The following NAV3 variants were observed in gnomAD, a reference collection of about 807,000 sequenced individuals.
NAV3 encodes the protein pore membrane and/or filament interacting like protein 1.
In NAV3, 87 loss-of-function variants were observed where a neutral mutation model predicts 244.7. That is an observed-to-expected ratio of 0.36 (90% CI 0.30 to 0.42). The LOEUF is 0.42. Among genes scored for constraint, NAV3 ranks in the 20% least tolerant of loss-of-function variants. The probability of loss-of-function intolerance (pLI) is 1.00; values close to 1 mark genes in which losing one functional copy is unlikely to be tolerated. For missense variants in NAV3, 2,663 were observed against 2,893.3 expected, an observed-to-expected ratio of 0.92 and a Z score of 1.83; for synonymous variants, 1,126 against 1,042.2, an observed-to-expected ratio of 1.08 and a Z score of -1.55.
chr12:77,581,916 A>G (rs971507151), intron 2 of NAV3, among the ~76,000 whole-genome samples: 1 of 152,178 alleles, frequency 6.6e-6, no homozygotes, highest in African/African-American at 2.4e-5. Flanking sequence ...TATACTCATC[A>G]CTTGTCCTTT....
chr12:78,203,479 T>TA (rs1449958076), intron 38 of NAV3, among the ~76,000 whole-genome samples: 5 of 152,122 alleles, frequency 3.3e-5, no homozygotes, highest in Non-Finnish European at 7.4e-5. Context: ...GTACCTCTGT[T>TA]ACCATCTCCT....
rs141185048 is a variant in NAV3, at chr12:78,069,922, A to C, written c.2636+10807A>C. ...TTCAAGTATGTATTTGTAAACTATC[A>C]GGAATTATAGTTTGTTGCAATTATG... is the stretch of plus-strand genomic sequence containing the variant. On this transcript the variant is annotated intron_variant, in intron 12 of 39. Transcript: ENST00000397909. Among the ~76,000 whole-genome samples the C allele has an allele frequency of 3.0e-4, 46 of 152,218 alleles. No individual in the cohort carries two copies. In the East Asian group the frequency reaches 7.7e-3, roughly 26 times the overall value.
chr12:78,068,607 TATATA>T (rs1372899832), intron 12 of NAV3, among the ~76,000 whole-genome samples: 1 of 147,304 alleles, frequency 6.8e-6, no homozygotes, highest in Non-Finnish European at 1.5e-5. Context: ...TTATATATAT[TATATA>T]TAATATATAA....
intron 2 of NAV3, among the ~76,000 whole-genome samples, chr12:77,592,451 G>T (rs1362686262): frequency 6.6e-6 from 1 of 152,130 alleles, no homozygotes; most frequent in Non-Finnish European, 1.5e-5. Flanking sequence ...TCAAGCGAGG[G>T]GCTCTTTTTG....
chr12:77,642,330 A>C (rs917016879), intron 2 of NAV3, among the ~76,000 whole-genome samples: 1 of 152,216 alleles, frequency 6.6e-6, no homozygotes, highest in East Asian at 1.9e-4. Flanking sequence ...GCAATAATGA[A>C]GAATATTGCC....
At chr12:77,612,926 A>G (rs1198905531) in intron 2 of NAV3, among the ~76,000 whole-genome samples, 2 of 152,028 alleles carry the variant, frequency 1.3e-5, no homozygotes, top group African/African-American at 4.8e-5. Context: ...TGGTTTTATA[A>G]GGGGCTTTTC....
intron 12 of NAV3, among the ~76,000 whole-genome samples, chr12:78,071,014 C>T (rs1345756304): frequency 1.3e-4 from 20 of 149,848 alleles, no homozygotes; most frequent in African/African-American, 4.7e-4. Context: ...AATAAACATA[C>T]GTGTGCATGT....
At chr12:78,125,500 C>A (rs1593689843) in intron 16 of NAV3, among the ~76,000 whole-genome samples, 1 of 152,190 alleles carries the variant, frequency 6.6e-6, no homozygotes. Context: ...TCTGACTCAA[C>A]TAAATTTTTA....
At position 78,118,245 on chromosome 12, in the gene NAV3, A is replaced by T. The variant is rs762988858; in HGVS notation, c.2988A>T (p.Gln996His). ...TGSWRRGMSA[Q>H]GGAPSRQKAG... ...CCTGGAGAAGAGGCATGTCTGCCCA[A>T]GGAGGGGCGCCATCTAGGCAGAAAG... is the stretch of plus-strand genomic sequence containing the variant. The change falls in exon 14 of 40, where the codon CAA becomes CAT. Residue 996 changes from glutamine (Q) to histidine (H), a missense_variant. This residue lies in a region of NAV3 where 1,521 missense variants were observed against 1,497.0 expected (regional missense o/e 1.02). Coordinates refer to ENST00000397909, the MANE Select transcript of NAV3 (RefSeq NM_001024383.2). The T allele has an allele frequency of 2.7e-5, 44 of 1,613,154 alleles. No homozygotes were observed. Among genetic ancestry groups the T allele is most frequent in the Admixed American group, 1.0e-4 (6 of 59,960 alleles).
At chr12:77,714,196 T>A (rs552405027) in intron 2 of NAV3, among the ~76,000 whole-genome samples, 2 of 152,194 alleles carry the variant, frequency 1.3e-5, no homozygotes, top group Admixed American at 1.3e-4. Context: ...CACAGAGATG[T>A]CAGATCTCAG....
intron 31 of NAV3, among the ~76,000 whole-genome samples, chr12:78,186,042 G>T (rs191844778): frequency 6.6e-6 from 1 of 151,726 alleles, no homozygotes; most frequent in East Asian, 1.9e-4. Context: ...ATGTGCAGTC[G>T]CTAGAGCTGT....
intron 2 of NAV3, among the ~76,000 whole-genome samples, chr12:77,745,170 C>T (rs1234860821): frequency 6.6e-6 from 1 of 151,934 alleles, no homozygotes; most frequent in African/African-American, 2.4e-5. Flanking sequence ...GTAATTTTTG[C>T]TGGTTTTAAT....
intron 2 of NAV3, among the ~76,000 whole-genome samples, chr12:77,582,100 C>T (rs533338769): frequency 2.2e-4 from 33 of 152,322 alleles, no homozygotes; most frequent in Admixed American, 7.2e-4. Flanking sequence ...TCATACAACT[C>T]ACCAGGTTGC....
chr12:78,091,672 T>C (rs1487751668), intron 12 of NAV3: 1 of 149,630 alleles, frequency 6.7e-6, no homozygotes, highest in African/African-American at 2.5e-5. Context: ...GGCGGGCGCC[T>C]GTAGTCCCAG....
At chr12:77,830,363 T>C (rs1170611398), upstream of NAV3, among the ~76,000 whole-genome samples, 1 of 152,192 alleles carries the variant, frequency 6.6e-6, no homozygotes, top group African/African-American at 2.4e-5. Context: ...TTTTTCAGTG[T>C]CTCCAAGTCA....
chr12:77,654,083 G>A (rs1425984932), intron 2 of NAV3, among the ~76,000 whole-genome samples: 1 of 152,332 alleles, frequency 6.6e-6, no homozygotes, highest in East Asian at 1.9e-4. Context: ...CATCTCACTA[G>A]GGAGTGCCAG....
intron 2 of NAV3, among the ~76,000 whole-genome samples, chr12:77,628,595 A>C (rs1871741837): frequency 6.6e-6 from 1 of 152,094 alleles, no homozygotes. Context: ...TCAAGAATCC[A>C]AAATCTGTCC....
In NAV3 at chr12:77,711,561, C is replaced by G. The variant is rs540960733; in HGVS notation, c.72+139295C>G. Among the ~76,000 whole-genome samples, 40 of 152,236 alleles carry G rather than the reference C, an allele frequency of 2.6e-4. 1 individual carries two copies. The East Asian group carries it at 7.3e-3, about 28-fold the overall frequency. On this transcript the variant is annotated intron_variant, in intron 2 of 8. Coordinates refer to the NAV3 transcript ENST00000550042. ...AAGAAATTACAAACAGGATCTGGTC[C>G]TTTTTTGGCCATGGTATGGAATGCG... is the stretch of plus-strand genomic sequence containing the variant.
intron 2 of NAV3, among the ~76,000 whole-genome samples, chr12:77,718,149 A>G (rs1036308462): frequency 4.6e-5 from 7 of 152,188 alleles, no homozygotes; most frequent in East Asian, 3.9e-4. Flanking sequence ...TGAAATCAGT[A>G]CCAAGACCAA....
Sources: gnomAD v4.1 joint callset for allele counts (sites outside exome capture counted in the v4.1 genomes callset) on GRCh38, gnomAD v4.1.1 for gene constraint, gnomAD v4.1.1 regional missense constraint, MANE v1.5 for transcripts, NCBI Gene and HGNC (gene_info 2026-07-23, HGNC 2026-07-21) for gene names.